Variants in CLSTN1 observed in about 807,000 individuals in gnomAD.
CLSTN1 encodes the protein calsyntenin 1.
In CLSTN1, 28 loss-of-function variants were observed where a neutral mutation model predicts 108.3. The observed-to-expected ratio is 0.26, with a 90% CI of 0.19 to 0.35. The LOEUF (loss-of-function observed/expected upper bound fraction) is 0.35. Among genes scored for constraint, CLSTN1 ranks in the 10% least tolerant of loss-of-function variants. The pLI is 1.00. For missense variants in CLSTN1, 1,157 were observed against 1,302.6 expected, an observed-to-expected ratio of 0.89 and a Z score of 1.72; for synonymous variants, 524 against 534.9, an observed-to-expected ratio of 0.98 and a Z score of 0.28.
intron 1 of CLSTN1, among the ~76,000 whole-genome samples, chr1:9,814,483 T>C (rs887965338): frequency 6.6e-6 from 1 of 152,224 alleles, no homozygotes; most frequent in Admixed American, 6.6e-5. Context: ...TAAAGACATA[T>C]TTCTAAGCAT....
chr1:9,742,393 T>G (rs897019591), intron 9 of CLSTN1, among the ~76,000 whole-genome samples: 1 of 152,190 alleles, frequency 6.6e-6, no homozygotes, highest in African/African-American at 2.4e-5. Context: ...ACAATGAAAC[T>G]AGACTGACCA....
Position 9,823,515 on chromosome 1 carries a change from C to T in CLSTN1, c.91+128G>A. On this transcript the variant is annotated intron_variant, in intron 1 of 18. Transcript: ENST00000377298. The surrounding 1 kb of genome is among the most constrained non-coding windows in gnomAD (Gnocchi z 6.3). ...CGCTCGGACCCGACTCCCCGCATCC[C>T]GGCTCGAATCCCGGCATCCGGCCCT... is the stretch of plus-strand genomic sequence containing the variant. 1 of 494,690 alleles carries T rather than the reference C, an allele frequency of 2.0e-6. No homozygotes were observed. The highest frequency in any genetic ancestry group is 2.7e-6 in the Non-Finnish European group (1 of 365,452). The allele number at this position is 494,690 out of a possible 1,614,324, so 30.6% of individuals were successfully genotyped here.
intron 1 of CLSTN1, among the ~76,000 whole-genome samples, chr1:9,807,368 G>A (rs80194238): frequency 2.9e-4 from 44 of 152,088 alleles, no homozygotes; most frequent in African/African-American, 8.7e-4. Flanking sequence ...ATTTACAAAC[G>A]ACAACTTCTA....
intron 1 of CLSTN1, among the ~76,000 whole-genome samples, chr1:9,810,994 C>A (rs1334946203): frequency 2.6e-5 from 4 of 152,140 alleles, no homozygotes; most frequent in African/African-American, 7.2e-5. Flanking sequence ...TTCAGACCCA[C>A]TGCCATATGC....
intron 5 of CLSTN1, among the ~76,000 whole-genome samples, chr1:9,750,909 C>A (rs189937301): frequency 1.4e-4 from 21 of 151,580 alleles, no homozygotes; most frequent in African/African-American, 3.9e-4. Flanking sequence ...ACAACAACAA[C>A]AAAAAATTAG....
At chr1:9,751,340 AAC>A (rs1651546811) in intron 5 of CLSTN1, 131 bp downstream of exon 5, 3 of 768,782 alleles carry the variant, frequency 3.9e-6, no homozygotes, top group African/African-American at 3.5e-5. Flanking sequence ...ATTAAAAGCA[AAC>A]ACACACCAGG....
chr1:9,744,534 G>A lies in CLSTN1; in HGVS notation c.1095C>T (p.Phe365=). ...GGATCCTCACTGCCTGGGTGCCGTT[G>A]AACTCAAACACCTGGTCGCTGTCGT... is the stretch of plus-strand genomic sequence containing the variant. ...NGHDSDQVFE[F]NGTQAVRIPD... The change falls in exon 8 of 19, where the codon TTC becomes TTT. Residue 365 remains phenylalanine (F), a synonymous_variant. Transcript: ENST00000377298. 1 of 1,613,562 alleles carries A rather than the reference G, an allele frequency of 6.2e-7. No homozygotes were observed. The highest frequency in any genetic ancestry group is 1.1e-5 in the South Asian group (1 of 91,056).
At chr1:9,748,087 T>C (rs1423483958) in intron 7 of CLSTN1, among the ~76,000 whole-genome samples, 3 of 151,952 alleles carry the variant, frequency 2.0e-5, no homozygotes, top group Admixed American at 6.6e-5. Context: ...TCATGGTTGT[T>C]ATCAGGCTAG....
chr1:9,805,398 A>G (rs960880973), intron 1 of CLSTN1, among the ~76,000 whole-genome samples: 5 of 152,168 alleles, frequency 3.3e-5, no homozygotes, highest in Admixed American at 1.3e-4. Context: ...CTCTTTCCCA[A>G]CTATATCTGT....
In CLSTN1 at chr1:9,744,437, C is replaced by T. The variant is rs377706199; in HGVS notation, c.1192G>A (p.Gly398Ser). 1.4e-5 allele frequency: 22 copies of T among 1,610,450 alleles called. No homozygotes were observed. Among genetic ancestry groups the T allele is most frequent in the Non-Finnish European group, 1.4e-5 (16 of 1,179,984 alleles). ...CAAAGAATTGTCTCCTTCTTCCTGC[C>T]GAATGGCCCATGTCTCATCCACACC... ...ISVWMRHGPFGRKKETILCSS... is the reference protein window; with the variant it reads ...ISVWMRHGPFSRKKETILCSS... The change falls in exon 8 of 19, where the codon GGC (glycine) becomes AGC (serine). Residue 398 changes from glycine to serine, a missense_variant. Transcript: ENST00000377298.
chr1:9,821,629 T>C (rs1655193905), intron 1 of CLSTN1, among the ~76,000 whole-genome samples: 2 of 152,202 alleles, frequency 1.3e-5, no homozygotes, highest in Admixed American at 1.3e-4. Context: ...CTTACAGCCG[T>C]AAAAAATTCA....
chr1:9,818,953 AT>A (rs1049609361), intron 1 of CLSTN1, among the ~76,000 whole-genome samples: 9 of 53,336 alleles, frequency 1.7e-4, no homozygotes, highest in Non-Finnish European at 7.1e-4. Context: ...CGCCTGGCTA[AT>A]TTTTTGTATT....
chr1:9,798,878 C>T (rs1408208309), intron 1 of CLSTN1, among the ~76,000 whole-genome samples: 2 of 152,094 alleles, frequency 1.3e-5, no homozygotes, highest in Non-Finnish European at 2.9e-5. Context: ...GCAATTGCTG[C>T]CCCCCAAAAT....
At position 9,773,259 on chromosome 1, in the gene CLSTN1, GC is replaced by G; in HGVS notation, c.214+12del. On this transcript the variant is annotated intron_variant, in intron 2 of 18. Coordinates refer to ENST00000377298, the MANE Select transcript of CLSTN1 (RefSeq NM_001009566.3). Reference sequence around the variant, plus strand: ...CCCGATTCATCAAGAGTCAATGAAAGCCCCGTTCCTACCTGCAAATCGCAGA... The same window carrying G: ...CCCGATTCATCAAGAGTCAATGAAAGCCCGTTCCTACCTGCAAATCGCAGA... The G allele has an allele frequency of 6.2e-7, 1 of 1,613,714 alleles. No individual in the cohort carries two copies. Among genetic ancestry groups the G allele is most frequent in the Non-Finnish European group, 8.5e-7 (1 of 1,179,772 alleles).
At position 9,734,060 on chromosome 1, in the gene CLSTN1, G is replaced by A. The variant is rs1214084466; in HGVS notation, c.2193C>T (p.His731=). The stretch of plus-strand genomic sequence containing the variant: ...TGTCCACCTCCAGGCTCTCCTGCTC[G>A]TGGTTCAGCTCCTCTCCCTCCACCG... ...EVTVEGEELN[H]EQESLEVDMA... is the part of the protein sequence containing the mutation. Residue 731 remains histidine (H), a synonymous_variant, in exon 15 of 19, where the codon CAC becomes CAT. Coordinates refer to ENST00000377298, the MANE Select transcript of CLSTN1 (RefSeq NM_001009566.3). This position sits in a 1 kb window ranked among gnomAD's most constrained non-coding sequence, Gnocchi z 4.8. The A allele has an allele frequency of 5.6e-6, 9 of 1,614,172 alleles. No individual in the cohort carries two copies. The highest frequency in any genetic ancestry group is 2.2e-5 in the East Asian group (1 of 44,868).
intron 1 of CLSTN1, among the ~76,000 whole-genome samples, chr1:9,781,736 C>G (rs1410209873): frequency 6.6e-6 from 1 of 152,154 alleles, no homozygotes; most frequent in Non-Finnish European, 1.5e-5. Context: ...AGTCACCGCG[C>G]CCAGCTTATT....
chr1:9,735,571 T>G lies in CLSTN1; in HGVS notation c.1779A>C (p.Glu593Asp). 1 of 1,614,130 alleles carries G rather than the reference T, an allele frequency of 6.2e-7. No homozygotes were observed. The highest frequency in any genetic ancestry group is 8.5e-7 in the Non-Finnish European group (1 of 1,180,026). Residue 593 changes from glutamate to aspartate, a missense_variant, in exon 13 of 19, where the codon GAA becomes GAC. Physicochemically the swap from Glu to Asp is conservative, Grantham distance 45 (BLOSUM62 2). Coordinates refer to ENST00000377298, the MANE Select transcript of CLSTN1 (RefSeq NM_001009566.3). ...TGGCCTTATCCAATTCCCCGAGGTC[T>G]TCTCCCTCCAAGGTCAATACCAACT... is the stretch of plus-strand genomic sequence containing the variant. ...PSQLVLTLEG[E>D]DLGELDKAMQ...
intron 2 of CLSTN1, among the ~76,000 whole-genome samples, chr1:9,769,006 A>C: frequency 7.9e-6 from 1 of 126,860 alleles, no homozygotes; most frequent in Admixed American, 7.8e-5. Flanking sequence ...GGAGGGGGGA[A>C]CAGAAGGAGG....
At chr1:9,806,546 C>T (rs545020680) in intron 1 of CLSTN1, among the ~76,000 whole-genome samples, 10 of 152,250 alleles carry the variant, frequency 6.6e-5, no homozygotes, top group African/African-American at 2.4e-4. Context: ...TTGTTTAAAA[C>T]TTTATGTAGT....
Sources: gnomAD v4.1 joint callset for allele counts (sites outside exome capture counted in the v4.1 genomes callset) on GRCh38, gnomAD v4.1.1 for gene constraint, Gnocchi (gnomAD v3.1) non-coding constraint, MANE v1.5 for transcripts, NCBI Gene and HGNC (gene_info 2026-07-23, HGNC 2026-07-21) for gene names.